EIF2AK3: variants seen among roughly 807,000 people sequenced by gnomAD.
EIF2AK3 encodes the protein eukaryotic translation initiation factor 2-alpha kinase 3.
In EIF2AK3, 50 loss-of-function variants were observed where a neutral mutation model predicts 113.5. That is an observed-to-expected ratio of 0.44 (90% CI 0.35 to 0.56). The LOEUF (loss-of-function observed/expected upper bound fraction) is 0.56, where lower values mean the gene tolerates loss of function less well. Ranked by LOEUF, EIF2AK3 falls within the 20% of genes least tolerant of loss-of-function variation. The pLI is 0.00. For synonymous variants in EIF2AK3, 448 were observed against 495.4 expected, an observed-to-expected ratio of 0.90 and a Z score of 1.27; for missense variants, 1,185 against 1,378.0, an observed-to-expected ratio of 0.86 and a Z score of 2.22.
At chr2:88,611,500 G>T (rs1029562951) in intron 2 of EIF2AK3, among the ~76,000 whole-genome samples, 1 of 151,598 alleles carries the variant, frequency 6.6e-6, no homozygotes, top group Non-Finnish European at 1.5e-5. Flanking sequence ...AATACCTTCA[G>T]ATTTTCTTTT....
intron 2 of EIF2AK3, among the ~76,000 whole-genome samples, chr2:88,599,931 A>G (rs1181182894): frequency 6.6e-6 from 1 of 152,192 alleles, no homozygotes; most frequent in Non-Finnish European, 1.5e-5. Context: ...CCTTATCTTC[A>G]ATTAAAAATA....
intron 1 of EIF2AK3, among the ~76,000 whole-genome samples, chr2:88,618,411 G>A (rs1675638207): frequency 6.6e-6 from 1 of 152,154 alleles, no homozygotes; most frequent in African/African-American, 2.4e-5. Context: ...CATCCCCAAG[G>A]CTCTCCTCTC....
At position 88,591,853 on chromosome 2, in the gene EIF2AK3, G is replaced by A. The variant is rs578018735; in HGVS notation, c.768-801C>T. Reference sequence around the variant, plus strand: ...CAAAAATCTGTTAAGTTGGACATCTGCTGCTATGGTGGCTGAGCTCCCAGT... The same window carrying A: ...CAAAAATCTGTTAAGTTGGACATCTACTGCTATGGTGGCTGAGCTCCCAGT... On this transcript the variant is annotated intron_variant, in intron 4 of 16. Coordinates refer to ENST00000303236, the MANE Select transcript of EIF2AK3 (RefSeq NM_004836.7). Among the ~76,000 whole-genome samples the A allele has an allele frequency of 5.3e-5, 8 of 152,188 alleles. No homozygotes were observed. In the East Asian group the frequency reaches 1.5e-3, roughly 29 times the overall value.
intron 2 of EIF2AK3, among the ~76,000 whole-genome samples, chr2:88,606,476 A>T (rs1573416670): frequency 6.6e-6 from 1 of 152,346 alleles, no homozygotes; most frequent in South Asian, 2.1e-4. Flanking sequence ...AAGAAAAGCA[A>T]TTAACCCAGG....
Position 88,627,455 on chromosome 2 carries a change from G to T in EIF2AK3, c.-181C>A. ...CCCGGCCTCTGCCGCTGCCACCTGA[G>T]TGACAGCCTATCTCGGACATCGCCC... On this transcript the variant is annotated 5_prime_UTR_variant, in exon 1 of 17. Coordinates refer to ENST00000303236, the MANE Select transcript of EIF2AK3 (RefSeq NM_004836.7). The T allele has an allele frequency of 1.4e-6, 1 of 700,780 alleles. No individual in the cohort carries two copies. The highest frequency in any genetic ancestry group is 2.0e-6 in the Non-Finnish European group (1 of 489,762). The allele number at this position is 700,780 out of a possible 1,614,324, so 43.4% of individuals were successfully genotyped here.
In EIF2AK3 at chr2:88,627,225, AGC is replaced by A; in HGVS notation, c.48_49del (p.Leu17AlafsTer59). On this transcript the variant is annotated frameshift_variant, in exon 1 of 17. Coordinates refer to ENST00000303236, the MANE Select transcript of EIF2AK3 (RefSeq NM_004836.7). LOFTEE classifies it high-confidence loss of function. The stretch of plus-strand genomic sequence containing the variant: ...TGCCGCGAGCCCCAGCAGCAGCAGC[AGC>A]AGCAGCAGCGCCCGTACCAGCAGCC... The A allele has an allele frequency of 1.4e-6, 2 of 1,476,144 alleles. No individual in the cohort carries two copies. Among genetic ancestry groups the A allele is most frequent in the East Asian group, 2.9e-5 (1 of 34,018 alleles). 91.4% of individuals were successfully genotyped at this position (1,476,144 alleles called of 1,614,324 possible).
At chr2:88,562,252 G>T (rs1165295377) in intron 15 of EIF2AK3, 37 bp downstream of exon 15, 5 of 1,544,016 alleles carry the variant, frequency 3.2e-6, no homozygotes, top group Non-Finnish European at 3.6e-6. Context: ...ATTATTTTCT[G>T]TTTGAAACTT....
intron 2 of EIF2AK3, among the ~76,000 whole-genome samples, chr2:88,608,383 T>G (rs1322065964): frequency 2.0e-5 from 3 of 152,046 alleles, no homozygotes; most frequent in Non-Finnish European, 4.4e-5. Flanking sequence ...CCATTCTTGA[T>G]GAAAGCTTGG....
intron 1 of EIF2AK3, among the ~76,000 whole-genome samples, chr2:88,620,738 A>G (rs1241273136): frequency 4.6e-5 from 7 of 152,194 alleles, no homozygotes; most frequent in Non-Finnish European, 1.0e-4. Flanking sequence ...CCGGGACTCA[A>G]TAACTTGCCA....
At chr2:88,600,346 A>G (rs1298894692) in intron 2 of EIF2AK3, among the ~76,000 whole-genome samples, 2 of 152,140 alleles carry the variant, frequency 1.3e-5, no homozygotes, top group African/African-American at 4.8e-5. Context: ...GAGTCACCCG[A>G]TAGTCAGCTG....
rs78839456 is a variant in EIF2AK3 at position 88,588,400 on chromosome 2, G to A, written c.1307-296C>T. 4.7e-3 allele frequency among the ~76,000 whole-genome samples: 709 copies of A among 152,224 alleles called. 2 individuals are homozygous for A. Among genetic ancestry groups the A allele is most frequent in the Non-Finnish European group, 6.6e-3 (450 of 67,980 alleles). On this transcript the variant is annotated intron_variant, in intron 7 of 16. Transcript: ENST00000303236. Reference sequence around the variant, plus strand: ...GGTGCACAGTATTTGATTTCTATTCGTTCAGTCTCAAAGAATATGATGTGC... The same window carrying A: ...GGTGCACAGTATTTGATTTCTATTCATTCAGTCTCAAAGAATATGATGTGC...
intron 2 of EIF2AK3, among the ~76,000 whole-genome samples, chr2:88,598,267 C>T (rs1276286846): frequency 1.3e-5 from 2 of 152,150 alleles, no homozygotes; most frequent in African/African-American, 4.8e-5. Context: ...ATACCAGAGT[C>T]AGCAATGGTG....
chr2:88,563,688 C>T (rs1674024636), intron 14 of EIF2AK3, among the ~76,000 whole-genome samples: 2 of 152,126 alleles, frequency 1.3e-5, no homozygotes, highest in Non-Finnish European at 2.9e-5. Flanking sequence ...GCAAAATTTA[C>T]AAGTAATTAA....
chr2:88,599,012 A>G (rs1281829041), intron 2 of EIF2AK3, among the ~76,000 whole-genome samples: 2 of 152,104 alleles, frequency 1.3e-5, no homozygotes, highest in African/African-American at 4.8e-5. Flanking sequence ...GTCTGAGCAC[A>G]TAAGGTTTTT....
intron 2 of EIF2AK3, among the ~76,000 whole-genome samples, chr2:88,596,423 C>T (rs1454741173): frequency 1.3e-5 from 2 of 151,998 alleles, no homozygotes; most frequent in Non-Finnish European, 2.9e-5. Flanking sequence ...ACGAGACAAA[C>T]AACTTAATAA....
chr2:88,588,120 T>A lies in EIF2AK3; in HGVS notation c.1307-16A>T. On this transcript the variant is annotated splice_polypyrimidine_tract_variant and intron_variant, in intron 7 of 16. Coordinates refer to ENST00000303236, the MANE Select transcript of EIF2AK3 (RefSeq NM_004836.7). ...GAAGGAGAATCTAAAAGAAAATTAT[T>A]ATTTTCTTAATAATAATATTTCTTA... 1 of 1,428,266 alleles carries A rather than the reference T, an allele frequency of 7.0e-7. No individual in the cohort carries two copies. The highest frequency in any genetic ancestry group is 9.7e-7 in the Non-Finnish European group (1 of 1,031,170). The allele number at this position is 1,428,266 out of a possible 1,614,324, so 88.5% of individuals were successfully genotyped here.
intron 7 of EIF2AK3, 151 bp downstream of exon 7, chr2:88,588,610 T>C: frequency 1.2e-6 from 1 of 812,664 alleles, no homozygotes; most frequent in Non-Finnish European, 1.9e-6. Flanking sequence ...AAAAATTCAT[T>C]ATTAACATCT....
At chr2:88,561,851 C>CT (rs1271664438) in intron 15 of EIF2AK3, among the ~76,000 whole-genome samples, 1 of 151,924 alleles carries the variant, frequency 6.6e-6, no homozygotes, top group African/African-American at 2.4e-5. Context: ...AGAGCAAGAC[C>CT]TTGCCTTGAG....
intron 2 of EIF2AK3, among the ~76,000 whole-genome samples, chr2:88,606,517 T>C (rs1039086035): frequency 6.6e-6 from 1 of 152,190 alleles, no homozygotes; most frequent in Admixed American, 6.5e-5. Flanking sequence ...TGCTACATGA[T>C]TGACAGCTAT....
Sources: allele counts gnomAD v4.1 joint callset (sites outside exome capture counted in the v4.1 genomes callset), GRCh38; gene constraint gnomAD v4.1.1; transcripts MANE v1.5; gene names NCBI Gene and HGNC (gene_info 2026-07-23, HGNC 2026-07-21).